SNTG1: variants seen among roughly 807,000 people sequenced by gnomAD.
The protein encoded by SNTG1 is syntrophin gamma 1.
SNTG1 carries 39 observed loss-of-function variants against 74.7 expected under a neutral mutation model. That is an observed-to-expected ratio of 0.52 (90% CI 0.40 to 0.68). The LOEUF (loss-of-function observed/expected upper bound fraction) is 0.68. Ranked by LOEUF, SNTG1 falls within the 30% of genes least tolerant of loss-of-function variation. The probability of loss-of-function intolerance (pLI) is 0.00; values close to 1 mark genes in which losing one functional copy is unlikely to be tolerated. For missense variants in SNTG1, 685 were observed against 609.5 expected, an observed-to-expected ratio of 1.12 and a Z score of -1.30; for synonymous variants, 254 against 217.1, an observed-to-expected ratio of 1.17 and a Z score of -1.49.
intron 13 of SNTG1, among the ~76,000 whole-genome samples, chr8:50,651,829 G>GAGTGCAAT (rs1253762087): frequency 2.0e-5 from 3 of 151,082 alleles, no homozygotes; most frequent in Admixed American, 6.6e-5. Context: ...GCCCAGGCTG[G>GAGTGCAAT]AGTGCAATGG....
At chr8:50,246,368 C>T (rs1303687369) in intron 2 of SNTG1, among the ~76,000 whole-genome samples, 4 of 152,006 alleles carry the variant, frequency 2.6e-5, no homozygotes, top group Non-Finnish European at 5.9e-5. Context: ...ACATAAGTTC[C>T]ATCAAGTTTA....
intron 1 of SNTG1, among the ~76,000 whole-genome samples, chr8:49,928,924 A>G (rs1340399831): frequency 1.3e-5 from 2 of 152,116 alleles, no homozygotes; most frequent in African/African-American, 4.8e-5. Flanking sequence ...CATCCATGTC[A>G]AAAATTTTAA....
At chr8:49,921,597 C>A (rs938489690) in intron 1 of SNTG1, among the ~76,000 whole-genome samples, 1 of 152,080 alleles carries the variant, frequency 6.6e-6, no homozygotes, top group Non-Finnish European at 1.5e-5. Context: ...CGGTTTACAG[C>A]CTGCTTTAGA....
At chr8:50,692,068 C>T (rs28813767) in intron 15 of SNTG1, among the ~76,000 whole-genome samples, 8,177 of 152,216 alleles carry the variant, frequency 0.054, 580 homozygotes, top group African/African-American at 0.15. Flanking sequence ...GCATTTGTCA[C>T]GTAGCTCTCA....
In SNTG1 at chr8:50,632,300, T is replaced by C. The variant is rs570170236; in HGVS notation, c.850-24609T>C. 1.5e-3 allele frequency among the ~76,000 whole-genome samples: 231 copies of C among 150,796 alleles called. 2 individuals are homozygous for C. The highest frequency in any genetic ancestry group is 5.2e-3 in the African/African-American group (215 of 41,314). On this transcript the variant is annotated intron_variant, in intron 13 of 18. Coordinates refer to ENST00000642720, the MANE Select transcript of SNTG1 (RefSeq NM_018967.5). ...GTCTTTTTAATTTTATTTATTTATT[T>C]ATTTATTTATTTATTTATTTATTTA...
chr8:50,530,948 C>T (rs2094261789), intron 10 of SNTG1, among the ~76,000 whole-genome samples: 1 of 152,144 alleles, frequency 6.6e-6, no homozygotes, highest in African/African-American at 2.4e-5. Context: ...TAACAATCAT[C>T]TTTCATGCTT....
At chr8:50,229,977 ATAACAC>A (rs2085533432) in intron 2 of SNTG1, among the ~76,000 whole-genome samples, 1 of 151,610 alleles carries the variant, frequency 6.6e-6, no homozygotes, top group African/African-American at 2.4e-5. Flanking sequence ...ACACTTCTAA[ATAACAC>A]ATAAGCCAAA....
intron 1 of SNTG1, among the ~76,000 whole-genome samples, chr8:50,068,699 C>CT (rs979219624): frequency 2.0e-5 from 3 of 152,056 alleles, no homozygotes; most frequent in Admixed American, 6.5e-5. Context: ...TTCTTTCTTT[C>CT]TTTTTTTTCT....
Position 50,795,464 on chromosome 8 carries a change from A to G in SNTG1, c.*2635A>G, listed in dbSNP as rs1054174290. 9 of 152,106 alleles carry G rather than the reference A, an allele frequency of 5.9e-5. No individual in the cohort carries two copies. The South Asian group carries it at 1.9e-3, about 31-fold the overall frequency. 9.4% of individuals were successfully genotyped at this position (152,106 alleles called of 1,614,324 possible). On this transcript the variant is annotated 3_prime_UTR_variant, in exon 19 of 19. Transcript: ENST00000642720. ...AGGTTTACATGTAAGAGATTTATTC[A>G]TAAAATCCTAGTTTGTACATTAAGC...
intron 9 of SNTG1, among the ~76,000 whole-genome samples, chr8:50,508,227 A>G (rs1033219482): frequency 4.6e-5 from 7 of 152,256 alleles, no homozygotes; most frequent in African/African-American, 1.4e-4. Flanking sequence ...AGTTTCATCC[A>G]TGTCCTTACA....
Position 50,353,999 on chromosome 8 carries a change from C to A in SNTG1, c.-27-40213C>A, listed in dbSNP as rs139717705. On this transcript the variant is annotated intron_variant, in intron 2 of 18. Transcript: ENST00000642720. ...TCTCAGGTGAGGAAGAGACATGAGC[C>A]CTCAGCAGGGAGTTTCCCTATCTAG... Among the ~76,000 whole-genome samples the A allele has an allele frequency of 3.3e-5, 5 of 152,140 alleles. No homozygotes were observed. In the East Asian group the frequency reaches 5.8e-4, roughly 18 times the overall value.
At chr8:50,361,769 C>T (rs151171945) in intron 2 of SNTG1, among the ~76,000 whole-genome samples, 32 of 152,158 alleles carry the variant, frequency 2.1e-4, no homozygotes, top group African/African-American at 6.3e-4. Flanking sequence ...CACATCTAGG[C>T]TACATGAGAT....
At chr8:49,992,463 G>T (rs4873124) in intron 1 of SNTG1, among the ~76,000 whole-genome samples, 15,958 of 152,070 alleles carry the variant, frequency 0.1, 1,232 homozygotes, top group South Asian at 0.2. Flanking sequence ...ACAGAAATTT[G>T]CACACTTGAT....
At position 50,502,883 on chromosome 8, in the gene SNTG1, A is replaced by G. The variant is rs1462052842; in HGVS notation, c.466+3A>G. 1 of 1,606,630 alleles carries G rather than the reference A, an allele frequency of 6.2e-7. No individual in the cohort carries two copies. Among genetic ancestry groups the G allele is most frequent in the South Asian group, 1.1e-5 (1 of 90,638 alleles). On this transcript the variant is annotated splice_donor_region_variant and intron_variant, in intron 9 of 18. Coordinates refer to ENST00000642720, the MANE Select transcript of SNTG1 (RefSeq NM_018967.5). ...CCCATTGAATGAAGATTGTGCATGT[A>G]AGCATTTATAAAGAATAGATAAAAG...
chr8:50,639,358 C>T (rs1296919920), intron 13 of SNTG1, among the ~76,000 whole-genome samples: 2 of 151,830 alleles, frequency 1.3e-5, no homozygotes, highest in Non-Finnish European at 2.9e-5. Context: ...CCTTCATATG[C>T]TTCTTATTCT....
chr8:50,170,114 C>T (rs1193899994), intron 1 of SNTG1, among the ~76,000 whole-genome samples: 1 of 152,144 alleles, frequency 6.6e-6, no homozygotes, highest in Non-Finnish European at 1.5e-5. Flanking sequence ...TGTTCTAGTT[C>T]TAATGTCTGC....
intron 4 of SNTG1, among the ~76,000 whole-genome samples, chr8:50,436,126 T>C (rs1327675305): frequency 6.6e-6 from 1 of 152,188 alleles, no homozygotes; most frequent in Non-Finnish European, 1.5e-5. Context: ...ATGCATTTGC[T>C]CTGACTGAAA....
chr8:49,982,920 G>A (rs1563429440), intron 1 of SNTG1, among the ~76,000 whole-genome samples: 1 of 152,142 alleles, frequency 6.6e-6, no homozygotes, highest in Non-Finnish European at 1.5e-5. Context: ...CAATTCAATT[G>A]AGTTGTAAAG....
chr8:50,366,925 CTATATAA>C (rs1458365613), intron 2 of SNTG1, among the ~76,000 whole-genome samples: 1 of 145,400 alleles, frequency 6.9e-6, no homozygotes, highest in Non-Finnish European at 1.5e-5. Flanking sequence ...TAGGTCTATA[CTATATAA>C]TATATAATAT....
Sources: gnomAD v4.1 joint callset for allele counts (sites outside exome capture counted in the v4.1 genomes callset) on GRCh38, gnomAD v4.1.1 for gene constraint, MANE v1.5 for transcripts, NCBI Gene and HGNC (gene_info 2026-07-23, HGNC 2026-07-21) for gene names.